PRKG1: variants seen among roughly 807,000 people sequenced by gnomAD.
PRKG1 encodes protein kinase cGMP-dependent 1.
A neutral mutation model predicts 88.1 loss-of-function variants in PRKG1; 35 were observed. The ratio of observed to expected loss-of-function variants is 0.40; its 90% CI spans 0.30 to 0.53. The LOEUF (loss-of-function observed/expected upper bound fraction) is 0.53, where lower values mean the gene tolerates loss of function less well. Among genes scored for constraint, PRKG1 ranks in the 20% least tolerant of loss-of-function variants. The pLI, the probability that PRKG1 is intolerant of heterozygous loss-of-function variation, is 0.59. For missense variants in PRKG1, 540 were observed against 839.8 expected (o/e 0.64, Z 4.41); for synonymous variants, 303 against 292.5 (o/e 1.04, Z -0.37).
chr10:52,278,602 T>C (rs1841927369), intron 12 of PRKG1, among the ~76,000 whole-genome samples: 1 of 152,106 alleles, frequency 6.6e-6, no homozygotes, highest in African/African-American at 2.4e-5. Context: ...ATGTGGCACA[T>C]ATACACCATG....
At chr10:52,146,356 G>A (rs1837727242) in intron 8 of PRKG1, among the ~76,000 whole-genome samples, 1 of 152,060 alleles carries the variant, frequency 6.6e-6, no homozygotes, top group African/African-American at 2.4e-5. Context: ...TTTTTCTCCT[G>A]CGTTGTCTAC....
intron 3 of PRKG1, among the ~76,000 whole-genome samples, chr10:51,767,007 C>T (rs1838181633): frequency 6.6e-6 from 1 of 152,178 alleles, no homozygotes; most frequent in Admixed American, 6.5e-5. Context: ...GTGTTTTTCT[C>T]ATGTTAAACT....
chr10:52,174,166 A>C (rs1838792114), intron 9 of PRKG1, among the ~76,000 whole-genome samples: 1 of 151,792 alleles, frequency 6.6e-6, no homozygotes, highest in Non-Finnish European at 1.5e-5. Context: ...TTTTCCTCTC[A>C]AGCCCCTTAA....
At chr10:51,595,619 G>A (rs561747876) in intron 3 of PRKG1, among the ~76,000 whole-genome samples, 1 of 131,004 alleles carries the variant, frequency 7.6e-6, no homozygotes, top group African/African-American at 2.8e-5. Flanking sequence ...GACAGAGTGA[G>A]ACTCTGCCAA....
At chr10:51,408,999 C>T (rs1409288550) in intron 2 of PRKG1, among the ~76,000 whole-genome samples, 2 of 152,216 alleles carry the variant, frequency 1.3e-5, no homozygotes, top group Non-Finnish European at 2.9e-5. Context: ...CCTGACCATC[C>T]AGCCAAATTA....
chr10:51,267,286 G>A (rs1201602924), intron 2 of PRKG1, among the ~76,000 whole-genome samples: 2 of 152,014 alleles, frequency 1.3e-5, no homozygotes, highest in Non-Finnish European at 1.5e-5. Flanking sequence ...CCTCCCTATA[G>A]TATATATGAT....
At chr10:52,060,018 A>G (rs1468243775) in intron 6 of PRKG1, among the ~76,000 whole-genome samples, 1 of 151,872 alleles carries the variant, frequency 6.6e-6, no homozygotes, top group African/African-American at 2.4e-5. Context: ...GGGAGTTGCT[A>G]CAGTAGATAT....
At chr10:51,922,766 T>A (rs982588218) in intron 5 of PRKG1, among the ~76,000 whole-genome samples, 2 of 152,070 alleles carry the variant, frequency 1.3e-5, no homozygotes, top group African/African-American at 4.8e-5. Flanking sequence ...ATACTTTGTA[T>A]AATTTTTATT....
intron 2 of PRKG1, among the ~76,000 whole-genome samples, chr10:51,297,564 G>A (rs1342114921): frequency 6.6e-6 from 1 of 151,980 alleles, no homozygotes; most frequent in East Asian, 1.9e-4. Context: ...ATACTTTTAG[G>A]TTTGGGTAAT....
intron 2 of PRKG1, among the ~76,000 whole-genome samples, chr10:51,392,951 C>G (rs1329580448): frequency 1.5e-5 from 1 of 68,924 alleles, no homozygotes; most frequent in African/African-American, 4.4e-5. Context: ...GCTGGCCGGG[C>G]TGAGGGCTGA....
intron 3 of PRKG1, among the ~76,000 whole-genome samples, chr10:51,672,539 C>T (rs572995258): frequency 3.0e-4 from 45 of 151,726 alleles, no homozygotes; most frequent in Non-Finnish European, 4.6e-4. Flanking sequence ...ATAAACATTG[C>T]TATTTTATAG....
At chr10:51,236,122 T>C (rs1356919243) in intron 2 of PRKG1, among the ~76,000 whole-genome samples, 1 of 152,166 alleles carries the variant, frequency 6.6e-6, no homozygotes, top group African/African-American at 2.4e-5. Flanking sequence ...TTAATTTTAG[T>C]TCCAGAGTAT....
intron 1 of PRKG1, among the ~76,000 whole-genome samples, chr10:51,026,841 A>G (rs1843212999): frequency 6.6e-6 from 1 of 152,184 alleles, no homozygotes; most frequent in South Asian, 2.1e-4. Context: ...TGCATATTTT[A>G]TATGCATTAT....
intron 10 of PRKG1, among the ~76,000 whole-genome samples, chr10:52,258,315 G>T (rs920467157): frequency 1.4e-5 from 2 of 138,776 alleles, no homozygotes; most frequent in African/African-American, 5.0e-5. Context: ...TGACATTTAG[G>T]TCATACTTGC....
chr10:51,425,356 T>C (rs1293287905), intron 2 of PRKG1, among the ~76,000 whole-genome samples: 1 of 152,234 alleles, frequency 6.6e-6, no homozygotes, highest in Non-Finnish European at 1.5e-5. Flanking sequence ...TTGTCTTTCA[T>C]GTAACTACCA....
At chr10:51,357,729 A>G (rs1842396780) in intron 2 of PRKG1, among the ~76,000 whole-genome samples, 3 of 152,000 alleles carry the variant, frequency 2.0e-5, no homozygotes, top group African/African-American at 7.2e-5. Flanking sequence ...AAAAATTTCT[A>G]TATAATTCCT....
intron 3 of PRKG1, among the ~76,000 whole-genome samples, chr10:51,539,909 T>G (rs1842258487): frequency 6.6e-6 from 1 of 152,206 alleles, no homozygotes; most frequent in Non-Finnish European, 1.5e-5. Context: ...TAAAAAAGAT[T>G]TTTAAATATT....
At chr10:51,711,943 A>AT (rs1841762325) in intron 3 of PRKG1, among the ~76,000 whole-genome samples, 1 of 152,084 alleles carries the variant, frequency 6.6e-6, no homozygotes, top group Admixed American at 6.6e-5. Context: ...GGGAAGGAAA[A>AT]ATATATTTTC....
At chr10:51,994,372 A>C (rs75017198) in intron 5 of PRKG1, among the ~76,000 whole-genome samples, 2,458 of 152,244 alleles carry the variant, frequency 0.016, 69 homozygotes, top group African/African-American at 0.055. Context: ...CCCTCTTGTA[A>C]GTTAAGAAAG....
Sources: gnomAD v4.1 joint callset for allele counts (sites outside exome capture counted in the v4.1 genomes callset) on GRCh38, gnomAD v4.1.1 for gene constraint, MANE v1.5 for transcripts, NCBI Gene and HGNC (gene_info 2026-07-23, HGNC 2026-07-21) for gene names.